PTPRT: variants seen among roughly 807,000 people sequenced by gnomAD.
PTPRT encodes receptor-type tyrosine-protein phosphatase T.
PTPRT carries 56 observed loss-of-function variants against 176.8 expected under a neutral mutation model. The ratio of observed to expected loss-of-function variants is 0.32; its 90% CI spans 0.26 to 0.40. The LOEUF is 0.40. Ranked by LOEUF, PTPRT falls within the 10% of genes least tolerant of loss-of-function variation. PTPRT has a pLI of 1.00. For missense variants in PTPRT, 1,540 were observed against 1,908.2 expected (o/e 0.81, Z 3.60); for synonymous variants, 783 against 739.0 (o/e 1.06, Z -0.96).
At chr20:42,285,659 T>A (rs1315957989) in intron 12 of PTPRT, among the ~76,000 whole-genome samples, 1 of 151,710 alleles carries the variant, frequency 6.6e-6, no homozygotes, top group Non-Finnish European at 1.5e-5. Flanking sequence ...TCTCTCTTAT[T>A]CAACACAGCA....
At chr20:42,590,495 G>C (rs928266707) in intron 7 of PTPRT, among the ~76,000 whole-genome samples, 25 of 152,208 alleles carry the variant, frequency 1.6e-4, no homozygotes, top group Non-Finnish European at 1.3e-4. Flanking sequence ...ACCTTAAGGA[G>C]ACCATAGCTT....
At chr20:42,580,162 T>C (rs2073344636) in intron 7 of PTPRT, among the ~76,000 whole-genome samples, 1 of 152,222 alleles carries the variant, frequency 6.6e-6, no homozygotes, top group Non-Finnish European at 1.5e-5. Context: ...AAATAGGGAA[T>C]CCTTTCCCCA....
intron 1 of PTPRT, among the ~76,000 whole-genome samples, chr20:43,007,963 G>T (rs1295461340): frequency 1.3e-5 from 2 of 152,212 alleles, no homozygotes; most frequent in Non-Finnish European, 2.9e-5. Context: ...TAAAAGTGCT[G>T]ACTTAGCTCA....
In PTPRT at chr20:43,016,552, C is replaced by CTTTTTT. The variant is rs11482189; in HGVS notation, c.89-130626_89-130621dup. ...CATTTCTCTAACTGCTCTAAGGCCA[C>CTTTTTT]TTTTTTTTTTTTTTTTTTTTTTTTT... On this transcript the variant is annotated intron_variant, in intron 1 of 30. Transcript: ENST00000373187. Among the ~76,000 whole-genome samples, 5 of 76,236 alleles carry CTTTTTT rather than the reference C, an allele frequency of 6.6e-5. 1 individual carries two copies. The highest frequency in any genetic ancestry group is 3.5e-4 in the African/African-American group (5 of 14,284). The allele number at this position is 76,236 out of a possible 152,430, so 50.0% of individuals were successfully genotyped here. A position where few individuals can be genotyped will look rare whatever the true frequency, so the allele number is the denominator to read the frequency against.
At chr20:42,154,336 G>A (rs1246873102) in intron 17 of PTPRT, among the ~76,000 whole-genome samples, 1 of 152,130 alleles carries the variant, frequency 6.6e-6, no homozygotes, top group African/African-American at 2.4e-5. Context: ...GGGAGCACCT[G>A]GGGTGACCTG....
the PTPRT span, among the ~76,000 whole-genome samples, chr20:42,060,218 CA>C: frequency 6.6e-6 from 1 of 152,174 alleles, no homozygotes; most frequent in Non-Finnish European, 1.5e-5. Context: ...CAGGTTTCCT[CA>C]TTCCTGGGTG....
intron 7 of PTPRT, among the ~76,000 whole-genome samples, chr20:42,581,305 C>T (rs2073366287): frequency 6.6e-6 from 1 of 152,214 alleles, no homozygotes; most frequent in African/African-American, 2.4e-5. Context: ...TCTGCATTCT[C>T]TCTGCTGCGT....
chr20:42,779,197 T>C (rs1348231879), intron 4 of PTPRT, among the ~76,000 whole-genome samples: 1 of 152,164 alleles, frequency 6.6e-6, no homozygotes, highest in Admixed American at 6.5e-5. Flanking sequence ...GTTATTTCAA[T>C]TAAAGCAACA....
chr20:42,859,646 C>T (rs1364347939), intron 2 of PTPRT, among the ~76,000 whole-genome samples: 1 of 147,964 alleles, frequency 6.8e-6, no homozygotes, highest in Non-Finnish European at 1.5e-5. Context: ...TGCAGTGGCA[C>T]GATCTTGGCT....
At chr20:42,477,220 G>A (rs1018010620) in intron 7 of PTPRT, among the ~76,000 whole-genome samples, 6 of 152,088 alleles carry the variant, frequency 3.9e-5, no homozygotes, top group African/African-American at 1.4e-4. Context: ...ACCATGTTCT[G>A]TTTGCCAGTA....
intron 1 of PTPRT, among the ~76,000 whole-genome samples, chr20:43,105,878 A>C (rs533052682): frequency 6.6e-6 from 1 of 152,014 alleles, no homozygotes; most frequent in Non-Finnish European, 1.5e-5. Flanking sequence ...GGAGTTCTTC[A>C]TTCTTGGGTG....
At chr20:42,363,387 C>T (rs181347885) in intron 9 of PTPRT, among the ~76,000 whole-genome samples, 2,063 of 139,244 alleles carry the variant, frequency 0.015, 43 homozygotes, top group African/African-American at 0.052. Flanking sequence ...CTTGGCTCAC[C>T]GCAACCTCCG....
chr20:42,479,858 G>A (rs2071355253), intron 7 of PTPRT, among the ~76,000 whole-genome samples: 1 of 152,140 alleles, frequency 6.6e-6, no homozygotes, highest in Non-Finnish European at 1.5e-5. Flanking sequence ...GGGATATTCA[G>A]CCTGTATTAT....
intron 17 of PTPRT, among the ~76,000 whole-genome samples, chr20:42,157,434 C>A (rs374586665): frequency 1.3e-5 from 2 of 151,824 alleles, no homozygotes; most frequent in Admixed American, 1.3e-4. Context: ...CAACCTGTGC[C>A]TCCTGGGTTC....
chr20:42,582,375 G>C (rs2073389471), intron 7 of PTPRT, among the ~76,000 whole-genome samples: 1 of 152,132 alleles, frequency 6.6e-6, no homozygotes, highest in African/African-American at 2.4e-5. Context: ...TCACAGGCTG[G>C]AACACACTGT....
intron 7 of PTPRT, among the ~76,000 whole-genome samples, chr20:42,654,791 A>G (rs1384363769): frequency 3.3e-5 from 5 of 152,314 alleles, no homozygotes; most frequent in African/African-American, 9.6e-5. Context: ...CACAGCTGGT[A>G]AGTAGTGAGA....
At chr20:42,292,428 G>T (rs949970833) in intron 12 of PTPRT, among the ~76,000 whole-genome samples, 1 of 152,008 alleles carries the variant, frequency 6.6e-6, no homozygotes, top group Non-Finnish European at 1.5e-5. Flanking sequence ...TGCCTCTTGG[G>T]TTCCAGTGAT....
intron 11 of PTPRT, among the ~76,000 whole-genome samples, chr20:42,350,032 C>A (rs2058253074): frequency 6.6e-6 from 1 of 152,060 alleles, no homozygotes; most frequent in Non-Finnish European, 1.5e-5. Flanking sequence ...GATATCTGAG[C>A]AGGTTGTTTT....
At chr20:42,355,007 CTG>C (rs67362714) in intron 9 of PTPRT, among the ~76,000 whole-genome samples, 31,336 of 151,866 alleles carry the variant, frequency 0.21, 4,104 homozygotes, top group Non-Finnish European at 0.29. Context: ...TCTGGTGGGC[CTG>C]TCTACAGCAT....
Sources: allele counts gnomAD v4.1 joint callset (sites outside exome capture counted in the v4.1 genomes callset), GRCh38; gene constraint gnomAD v4.1.1; transcripts MANE v1.5; gene names NCBI Gene and HGNC (gene_info 2026-07-23, HGNC 2026-07-21).